Variants in FBXL7 observed in about 807,000 individuals in gnomAD.
FBXL7 encodes F-box and leucine rich repeat protein 7, also known as F-box/LRR-repeat protein 7.
FBXL7 carries 12 observed loss-of-function variants against 38.3 expected under a neutral mutation model. The ratio of observed to expected loss-of-function variants is 0.31; its 90% confidence interval spans 0.20 to 0.51. The LOEUF is 0.51. Ranked by LOEUF, FBXL7 falls within the 20% of genes least tolerant of loss-of-function variation. FBXL7 has a pLI of 0.98. For synonymous variants in FBXL7, 297 were observed against 300.9 expected, an observed-to-expected ratio of 0.99 and a Z score of 0.13; for missense variants, 567 against 676.4, an observed-to-expected ratio of 0.84 and a Z score of 1.79.
intron 1 of FBXL7, among the ~76,000 whole-genome samples, chr5:15,520,030 G>C (rs1737055805): frequency 6.6e-6 from 1 of 152,206 alleles, no homozygotes; most frequent in South Asian, 2.1e-4. Flanking sequence ...ACAAGTGGTG[G>C]ATTATTCATG....
intron 1 of FBXL7, among the ~76,000 whole-genome samples, chr5:15,606,261 C>T (rs1399845933): frequency 6.6e-6 from 1 of 152,116 alleles, no homozygotes; most frequent in Non-Finnish European, 1.5e-5. Flanking sequence ...CATGCTGTGA[C>T]TCTAGCAGAA....
chr5:15,900,455 T>C (rs563822852), intron 2 of FBXL7, among the ~76,000 whole-genome samples: 47 of 152,270 alleles, frequency 3.1e-4, no homozygotes, highest in South Asian at 1.9e-3. Flanking sequence ...AAGCCAGCCA[T>C]GGTAAGAGAC....
In FBXL7 at chr5:15,815,335, A is replaced by G. The variant is rs544803925; in HGVS notation, c.128-112555A>G. 3.3e-5 allele frequency among the ~76,000 whole-genome samples: 5 copies of G among 152,288 alleles called. No homozygotes were observed. In the East Asian group the frequency reaches 7.7e-4, roughly 24 times the overall value. ...AGTTTCAACATAAAATAGCTGTCCA[A>G]CCTCCATGGAAACAGAGTTCTTTAT... On this transcript the variant is annotated intron_variant, in intron 2 of 3. Transcript: ENST00000504595.
At chr5:15,730,943 A>G (rs566020043) in intron 2 of FBXL7, among the ~76,000 whole-genome samples, 1 of 152,056 alleles carries the variant, frequency 6.6e-6, no homozygotes, top group African/African-American at 2.4e-5. Context: ...AGAGATTGAA[A>G]CTCCATGCCT....
chr5:15,869,783 G>A (rs886587653), intron 2 of FBXL7, among the ~76,000 whole-genome samples: 1 of 152,094 alleles, frequency 6.6e-6, no homozygotes, highest in African/African-American at 2.4e-5. Flanking sequence ...GTAATCTCAC[G>A]GTTTTCATCA....
At chr5:15,720,958 T>C (rs1399860771) in intron 2 of FBXL7, among the ~76,000 whole-genome samples, 1 of 152,164 alleles carries the variant, frequency 6.6e-6, no homozygotes, top group Non-Finnish European at 1.5e-5. Flanking sequence ...ATTTTTCTTC[T>C]ATTAGTTTAT....
At chr5:15,634,509 G>T (rs974359420) in intron 2 of FBXL7, among the ~76,000 whole-genome samples, 2 of 149,014 alleles carry the variant, frequency 1.3e-5, no homozygotes, top group South Asian at 2.1e-4. Flanking sequence ...TTTAGTTGGG[G>T]GGGGGGTTTA....
chr5:15,673,766 AATT>A (rs1188957698), intron 2 of FBXL7, among the ~76,000 whole-genome samples: 2 of 151,704 alleles, frequency 1.3e-5, no homozygotes, highest in African/African-American at 2.4e-5. Flanking sequence ...CTTGGCTCTT[AATT>A]ATTATTATTA....
intron 2 of FBXL7, among the ~76,000 whole-genome samples, chr5:15,830,330 A>T (rs1409119621): frequency 1.3e-5 from 2 of 151,944 alleles, no homozygotes; most frequent in Non-Finnish European, 2.9e-5. Flanking sequence ...CTAAAAATAC[A>T]AAAATTAACT....
chr5:15,688,771 T>G (rs955422195), intron 2 of FBXL7, among the ~76,000 whole-genome samples: 13 of 152,174 alleles, frequency 8.5e-5, no homozygotes, highest in African/African-American at 3.1e-4. Flanking sequence ...ATGCCTGGTT[T>G]CCTCTTGTAA....
intron 2 of FBXL7, among the ~76,000 whole-genome samples, chr5:15,673,094 TC>T (rs1175708292): frequency 6.6e-6 from 1 of 152,024 alleles, no homozygotes; most frequent in Admixed American, 6.5e-5. Context: ...GGAAGGCTAA[TC>T]ACCTGAGGTC....
At chr5:15,611,372 A>C in intron 1 of FBXL7, among the ~76,000 whole-genome samples, 1 of 146,630 alleles carries the variant, frequency 6.8e-6, no homozygotes, top group African/African-American at 2.5e-5. Context: ...GATGACCCCC[A>C]AGTGTAGTGT....
At chr5:15,513,953 C>A (rs1736867987) in intron 1 of FBXL7, among the ~76,000 whole-genome samples, 1 of 152,058 alleles carries the variant, frequency 6.6e-6, no homozygotes. Context: ...CTGTTGATTA[C>A]CCTGCAATCC....
chr5:15,587,252 C>A (rs1215949513), intron 1 of FBXL7, among the ~76,000 whole-genome samples: 1 of 152,116 alleles, frequency 6.6e-6, no homozygotes, highest in Non-Finnish European at 1.5e-5. Context: ...ATGCTAAGAT[C>A]AGGGCCTTTT....
At chr5:15,922,870 C>G (rs1741781112) in intron 2 of FBXL7, among the ~76,000 whole-genome samples, 1 of 151,996 alleles carries the variant, frequency 6.6e-6, no homozygotes. Flanking sequence ...TATTTTAGCC[C>G]AATGCATATC....
At position 15,938,149 on chromosome 5, in the gene FBXL7, T is replaced by C. The variant is rs1742252426; in HGVS notation, c.*963T>C. 1 of 152,192 alleles carries C rather than the reference T, an allele frequency of 6.6e-6. No individual in the cohort carries two copies. Among genetic ancestry groups the C allele is most frequent in the Non-Finnish European group, 1.5e-5 (1 of 68,068 alleles). The allele number at this position is 152,192 out of a possible 1,614,324, so 9.4% of individuals were successfully genotyped here. On this transcript the variant is annotated 3_prime_UTR_variant, in exon 4 of 4. Coordinates refer to ENST00000504595, the MANE Select transcript of FBXL7 (RefSeq NM_012304.5). The stretch of plus-strand genomic sequence containing the variant: ...TCCTCTTTTGCCAGGCTGGATGCTG[T>C]CGTCTCTGTACACAAATACTTTCTG...
chr5:15,537,522 C>A (rs60117975), intron 1 of FBXL7, among the ~76,000 whole-genome samples: 1 of 152,288 alleles, frequency 6.6e-6, no homozygotes, highest in East Asian at 1.9e-4. Context: ...TAGCAAGAGC[C>A]GTTCTTCCCC....
intron 2 of FBXL7, among the ~76,000 whole-genome samples, chr5:15,769,155 C>A (rs1158847125): frequency 6.6e-6 from 1 of 152,186 alleles, no homozygotes; most frequent in Non-Finnish European, 1.5e-5. Flanking sequence ...GCTCCCCCTG[C>A]CACCAGCTGC....
chr5:15,781,879 G>A lies in FBXL7; in HGVS notation c.128-146011G>A, dbSNP rs557142349. 2.2e-3 allele frequency among the ~76,000 whole-genome samples: 337 copies of A among 152,178 alleles called. 1 individual carries two copies. Among genetic ancestry groups the A allele is most frequent in the Non-Finnish European group, 4.0e-3 (275 of 68,016 alleles). On this transcript the variant is annotated intron_variant, in intron 2 of 3. Transcript: ENST00000504595. ...AAGTTCTGGGATACATGTGCAGAACGTGCAGGTTTTTTACATAGATATACA... is the reference window on the plus strand; with the variant it reads ...AAGTTCTGGGATACATGTGCAGAACATGCAGGTTTTTTACATAGATATACA...
Sources: gnomAD v4.1 joint callset for allele counts (sites outside exome capture counted in the v4.1 genomes callset) on GRCh38, gnomAD v4.1.1 for gene constraint, MANE v1.5 for transcripts, NCBI Gene and HGNC (gene_info 2026-07-23, HGNC 2026-07-21) for gene names.